CHRM3: variants seen among roughly 807,000 people sequenced by gnomAD.
CHRM3 encodes muscarinic acetylcholine receptor M3.
CHRM3 carries 11 observed loss-of-function variants against 41.8 expected under a neutral mutation model. The observed-to-expected ratio is 0.26, with a 90% CI of 0.17 to 0.44. CHRM3 has a LOEUF of 0.44. CHRM3 is among the 20% of genes least tolerant of loss of function. CHRM3 has a pLI of 1.00. For missense variants in CHRM3, 571 were observed against 745.4 expected (o/e 0.77, Z 2.72); for synonymous variants, 297 against 301.4 (o/e 0.99, Z 0.15).
intron 1 of CHRM3, among the ~76,000 whole-genome samples, chr1:239,459,900 G>T (rs2147872077): frequency 6.6e-6 from 1 of 152,268 alleles, no homozygotes. Context: ...GTCAACATTT[G>T]AAGTATTCAT....
chr1:239,802,423 G>T (rs1309689057), intron 5 of CHRM3, among the ~76,000 whole-genome samples: 3 of 152,138 alleles, frequency 2.0e-5, no homozygotes, highest in Non-Finnish European at 2.9e-5. Flanking sequence ...TCAGAGTAAG[G>T]CTGTTCAAAA....
chr1:239,640,249 G>A (rs900540664), intron 4 of CHRM3, among the ~76,000 whole-genome samples: 49 of 152,246 alleles, frequency 3.2e-4, no homozygotes, highest in African/African-American at 9.9e-4. Context: ...GTCTCTGCCC[G>A]GCTTTGGTAT....
chr1:239,575,934 A>G (rs1440329804), intron 3 of CHRM3, among the ~76,000 whole-genome samples: 1 of 152,108 alleles, frequency 6.6e-6, no homozygotes, highest in Non-Finnish European at 1.5e-5. Flanking sequence ...GAAACTCTGT[A>G]CCCATTAAAC....
At chr1:239,682,583 T>C (rs1267464007) in intron 5 of CHRM3, among the ~76,000 whole-genome samples, 1 of 151,990 alleles carries the variant, frequency 6.6e-6, no homozygotes, top group African/African-American at 2.4e-5. Context: ...TGCTATTAAC[T>C]CCCTTTAATC....
Position 239,909,156 on chromosome 1 carries a change from C to G in CHRM3, c.1705C>G (p.Arg569Gly), listed in dbSNP as rs779263285. Residue 569 changes from arginine to glycine, a missense_variant, in exon 7 of 7, where the codon CGC becomes GGC. Arg to Gly is a moderately radical substitution (Grantham distance 125). Coordinates refer to ENST00000676153, the MANE Select transcript of CHRM3 (RefSeq NM_001375978.1). The part of the protein sequence containing the change: ...LLCQCDKKKR[R>G]KQQYQQRQSV... ...GTGCCAGTGTGACAAAAAAAAGAGG[C>G]GCAAGCAGCAGTACCAGCAGAGACA... is the stretch of plus-strand genomic sequence containing the variant. 3.1e-6 allele frequency: 5 copies of G among 1,613,850 alleles called. No individual in the cohort carries two copies. Among genetic ancestry groups the G allele is most frequent in the East Asian group, 2.2e-5 (1 of 44,870 alleles).
chr1:239,532,284 T>G (rs1657678618), intron 2 of CHRM3, among the ~76,000 whole-genome samples: 2 of 147,584 alleles, frequency 1.4e-5, no homozygotes, highest in African/African-American at 2.5e-5. Flanking sequence ...GTGCTGGGAT[T>G]ACAGGCGTGA....
Position 239,914,291 on chromosome 1 carries a change from C to T in CHRM3, c.*5067C>T, listed in dbSNP as rs889543442. On this transcript the variant is annotated 3_prime_UTR_variant, in exon 7 of 7. Coordinates refer to ENST00000676153, the MANE Select transcript of CHRM3 (RefSeq NM_001375978.1). ...ATTCATCACTCTGTATCCTGTGGCT[C>T]ACACAGAATCTGGCAAATTGCATAT... The T allele has an allele frequency of 3.0e-5, 5 of 167,034 alleles. No individual in the cohort carries two copies. Among genetic ancestry groups the T allele is most frequent in the African/African-American group, 9.7e-5 (4 of 41,426 alleles). The allele number at this position is 167,034 out of a possible 1,614,324, so 10.3% of individuals were successfully genotyped here.
Position 239,914,580 on chromosome 1 carries a change from A to C in CHRM3, c.*5356A>C, listed in dbSNP as rs2103075789. On this transcript the variant is annotated 3_prime_UTR_variant, in exon 7 of 7. Coordinates refer to ENST00000676153, the MANE Select transcript of CHRM3 (RefSeq NM_001375978.1). ...AATTAACTCTGTTTTTTATCCCTAG[A>C]ACTCAGAAACTTTACTGGATTGGTC... 1 of 167,202 alleles carries C rather than the reference A, an allele frequency of 6.0e-6. No individual in the cohort carries two copies. Among genetic ancestry groups the C allele is most frequent in the South Asian group, 2.1e-4 (1 of 4,826 alleles). The allele number at this position is 167,202 out of a possible 1,614,324, so 10.4% of individuals were successfully genotyped here.
intron 5 of CHRM3, among the ~76,000 whole-genome samples, chr1:239,695,808 T>A (rs553732401): frequency 6.6e-6 from 1 of 152,200 alleles, no homozygotes; most frequent in Non-Finnish European, 1.5e-5. Context: ...TATTCTATAA[T>A]GAGATTTTGA....
At chr1:239,864,563 T>C (rs1269004592) in intron 6 of CHRM3, among the ~76,000 whole-genome samples, 5 of 151,182 alleles carry the variant, frequency 3.3e-5, no homozygotes, top group African/African-American at 1.2e-4. Flanking sequence ...CACACACATA[T>C]ACATATATAC....
chr1:239,511,203 C>A (rs1392897346), intron 2 of CHRM3, among the ~76,000 whole-genome samples: 2 of 152,184 alleles, frequency 1.3e-5, no homozygotes, highest in Non-Finnish European at 2.9e-5. Flanking sequence ...TTATTAACAA[C>A]TGTGAAGACC....
intron 3 of CHRM3, among the ~76,000 whole-genome samples, chr1:239,613,400 G>A (rs1207177593): frequency 6.6e-6 from 1 of 152,146 alleles, no homozygotes; most frequent in African/African-American, 2.4e-5. Flanking sequence ...TAAAAACAAT[G>A]TTACATCTAT....
chr1:239,600,234 A>C (rs1665344712), intron 3 of CHRM3, among the ~76,000 whole-genome samples: 1 of 152,062 alleles, frequency 6.6e-6, no homozygotes, highest in African/African-American at 2.4e-5. Flanking sequence ...CTCTACTGTG[A>C]CCATGTCAGT....
chr1:239,907,905 A>G lies in CHRM3; in HGVS notation c.454A>G (p.Ser152Gly). Reference protein sequence around the residue: ...DLWLAIDYVASNASVMNLLVI... With the variant: ...DLWLAIDYVAGNASVMNLLVI... The stretch of plus-strand genomic sequence containing the variant: ...CTGGCTTGCCATTGACTACGTAGCC[A>G]GCAATGCCTCTGTTATGAATCTTCT... The change falls in exon 7 of 7, where the codon AGC (serine) becomes GGC (glycine). Residue 152 changes from serine to glycine, a missense_variant. Around this residue, in one of 5 missense-constraint regions of CHRM3, gnomAD observed 153 missense variants for 296.3 expected, o/e 0.52. Coordinates refer to ENST00000676153, the MANE Select transcript of CHRM3 (RefSeq NM_001375978.1). The surrounding 1 kb of genome is among the most constrained non-coding windows in gnomAD (Gnocchi z 5.4). 1 of 1,614,240 alleles carries G rather than the reference A, an allele frequency of 6.2e-7. No individual in the cohort carries two copies. Among genetic ancestry groups the G allele is most frequent in the Non-Finnish European group, 8.5e-7 (1 of 1,180,044 alleles).
chr1:239,892,755 A>C (rs927064673), intron 6 of CHRM3, among the ~76,000 whole-genome samples: 2 of 152,192 alleles, frequency 1.3e-5, no homozygotes, highest in Non-Finnish European at 2.9e-5. Context: ...AAGAGTCTTC[A>C]GCAAACACAG....
At chr1:239,800,187 T>C (rs1260589121) in intron 5 of CHRM3, among the ~76,000 whole-genome samples, 2 of 152,050 alleles carry the variant, frequency 1.3e-5, no homozygotes, top group African/African-American at 4.8e-5. Context: ...GCTCCCCAGG[T>C]TGAGATCATT....
At chr1:239,873,459 A>G (rs914418335) in intron 6 of CHRM3, among the ~76,000 whole-genome samples, 6 of 152,062 alleles carry the variant, frequency 3.9e-5, no homozygotes, top group East Asian at 1.9e-4. Context: ...CATCATCTAC[A>G]TTAGGTATTT....
intron 1 of CHRM3, among the ~76,000 whole-genome samples, chr1:239,488,087 G>T (rs1055668710): frequency 1.3e-5 from 2 of 152,156 alleles, no homozygotes; most frequent in African/African-American, 2.4e-5. Flanking sequence ...TACTAAGGGT[G>T]TTGGTAAATG....
chr1:239,392,952 C>G (rs1659168596), intron 1 of CHRM3, among the ~76,000 whole-genome samples: 1 of 152,206 alleles, frequency 6.6e-6, no homozygotes, highest in Admixed American at 6.5e-5. Flanking sequence ...CGAGCTAGCT[C>G]TCACTTCCAT....
Sources: gnomAD v4.1 joint callset for allele counts (sites outside exome capture counted in the v4.1 genomes callset) on GRCh38, gnomAD v4.1.1 for gene constraint, gnomAD v4.1.1 regional missense constraint, Gnocchi (gnomAD v3.1) non-coding constraint, MANE v1.5 for transcripts, NCBI Gene and HGNC (gene_info 2026-07-23, HGNC 2026-07-21) for gene names.